The following ITM2B variants were observed in gnomAD, a reference collection of about 807,000 sequenced individuals.
ITM2B encodes integral membrane protein 2B.
Under a neutral mutation model 27.8 loss-of-function variants are expected in ITM2B, and 11 were observed. The observed-to-expected ratio is 0.40, with a 90% CI of 0.25 to 0.66. The LOEUF (loss-of-function observed/expected upper bound fraction) is 0.66, where lower values mean the gene tolerates loss of function less well. Ranked by LOEUF, ITM2B falls within the 30% of genes least tolerant of loss-of-function variation. The pLI is 0.43. For synonymous variants in ITM2B, 114 were observed against 114.3 expected (o/e 1.00, Z 0.02); for missense variants, 296 against 328.9 (o/e 0.90, Z 0.77).
At position 48,263,955 on chromosome 13, in the gene ITM2B, G is replaced by A. The variant is rs2138000093; in HGVS notation, c.*2731G>A. On this transcript the variant is annotated 3_prime_UTR_variant, in exon 6 of 6. Transcript: ENST00000647800. ...ATAATGCACCCCATCATATGTGTGT[G>A]TGTGTGTATTTATTTATTTATCTAA... is the stretch of plus-strand genomic sequence containing the variant. 6.6e-6 allele frequency: 1 copy of A among 152,156 alleles called. No homozygotes were observed. Among genetic ancestry groups the A allele is most frequent in the African/African-American group, 2.4e-5 (1 of 41,512 alleles). 9.4% of individuals were successfully genotyped at this position (152,156 alleles called of 1,614,324 possible).
At chr13:48,248,256 T>C (rs1420318269) in intron 1 of ITM2B, among the ~76,000 whole-genome samples, 2 of 152,108 alleles carry the variant, frequency 1.3e-5, no homozygotes, top group African/African-American at 4.8e-5. Flanking sequence ...CAATTATGTT[T>C]CTTAGGCTTA....
At chr13:48,245,496 TAA>T (rs1951719510) in intron 1 of ITM2B, among the ~76,000 whole-genome samples, 1 of 152,008 alleles carries the variant, frequency 6.6e-6, no homozygotes, top group Non-Finnish European at 1.5e-5. Context: ...CAAAAGTGAT[TAA>T]GTTATGATCC....
rs575772187 is a variant in ITM2B at position 48,265,335 on chromosome 13, A to T, written c.*4111A>T. 5.3e-4 allele frequency: 81 copies of T among 152,184 alleles called. No homozygotes were observed. The highest frequency in any genetic ancestry group is 2.0e-3 in the African/African-American group (81 of 41,502). 9.4% of individuals were successfully genotyped at this position (152,184 alleles called of 1,614,324 possible). A position where few individuals can be genotyped will look rare whatever the true frequency, so the allele number is the denominator to read the frequency against. On this transcript the variant is annotated 3_prime_UTR_variant, in exon 6 of 6. Transcript: ENST00000647800. ...CAGATGCAAACGCCTTCTTCTTTCC[A>T]AACAGTGTGGTCTTATCCCCGTCGC...
rs570986683 is a variant in ITM2B, at chr13:48,234,838, C to A, written c.117+1361C>A. ...CGTATTGGTATTGTTTTCCTGAAGC[C>A]ATTGCAAACAATCTTGGTCTTTAAA... On this transcript the variant is annotated intron_variant, in intron 1 of 5. Coordinates refer to ENST00000647800, the MANE Select transcript of ITM2B (RefSeq NM_021999.5). Among the ~76,000 whole-genome samples the A allele has an allele frequency of 3.9e-5, 6 of 152,252 alleles. No individual in the cohort carries two copies. The South Asian group carries it at 1.2e-3, about 32-fold the overall frequency.
intron 1 of ITM2B, among the ~76,000 whole-genome samples, chr13:48,240,748 C>T (rs1951695447): frequency 6.6e-6 from 1 of 152,116 alleles, no homozygotes; most frequent in Non-Finnish European, 1.5e-5. Flanking sequence ...TAGTCCTGCC[C>T]TATGTCAGAG....
chr13:48,261,334 C>A lies in ITM2B; in HGVS notation c.*110C>A. 1 of 781,780 alleles carries A rather than the reference C, an allele frequency of 1.3e-6. No homozygotes were observed. Among genetic ancestry groups the A allele is most frequent in the Non-Finnish European group, 2.2e-6 (1 of 450,558 alleles). 48.4% of individuals were successfully genotyped at this position (781,780 alleles called of 1,614,324 possible). The stretch of plus-strand genomic sequence containing the variant: ...AGTCTTCTTTCATGTAAGTAGCAAA[C>A]AGGGCTTTACTATCTTTTCATCTCA... On this transcript the variant is annotated 3_prime_UTR_variant, in exon 6 of 6. Transcript: ENST00000647800.
In ITM2B at chr13:48,258,397, T is replaced by A. The variant is rs367719811; in HGVS notation, c.564+161T>A. On this transcript the variant is annotated intron_variant, in intron 4 of 5. Transcript: ENST00000647800. ...TGGTTTTTGTTTTTAATGTTTTATA[T>A]CTTGAAATTGAAATAAATTTCTCAA... Among the ~76,000 whole-genome samples the A allele has an allele frequency of 1.1e-4, 16 of 152,336 alleles. No homozygotes were observed. The East Asian group carries it at 1.3e-3, about 13-fold the overall frequency.
intron 1 of ITM2B, among the ~76,000 whole-genome samples, chr13:48,241,293 C>A (rs1369480403): frequency 6.6e-6 from 1 of 152,188 alleles, no homozygotes; most frequent in African/African-American, 2.4e-5. Context: ...CTCACTGCAA[C>A]TTCCGCCTCC....
At chr13:48,239,625 C>G (rs1030558997) in intron 1 of ITM2B, among the ~76,000 whole-genome samples, 3 of 152,176 alleles carry the variant, frequency 2.0e-5, no homozygotes, top group South Asian at 2.1e-4. Flanking sequence ...CAGCAAGACT[C>G]TGTCTCAAAA....
rs192069830 is a variant in ITM2B at position 48,244,341 on chromosome 13, G to C, written c.118-9467G>C. Among the ~76,000 whole-genome samples the C allele has an allele frequency of 2.8e-4, 42 of 152,338 alleles. 2 individuals are homozygous for C. The highest frequency in any genetic ancestry group is 9.9e-4 in the African/African-American group (41 of 41,562). ...ACCGCTGGATCCAAGAGCCAGGAGA[G>C]TGGTGGAGTAAGGGAGCAACATTCA... On this transcript the variant is annotated intron_variant, in intron 1 of 5. Coordinates refer to ENST00000647800, the MANE Select transcript of ITM2B (RefSeq NM_021999.5).
In ITM2B at chr13:48,233,273, C is replaced by T; in HGVS notation, c.-88C>T. The T allele has an allele frequency of 1.3e-6, 1 of 798,694 alleles. No homozygotes were observed. Among genetic ancestry groups the T allele is most frequent in the Non-Finnish European group, 1.9e-6 (1 of 519,650 alleles). The allele number at this position is 798,694 out of a possible 1,614,324, so 49.5% of individuals were successfully genotyped here. On this transcript the variant is annotated 5_prime_UTR_variant, in exon 1 of 6. Coordinates refer to ENST00000647800, the MANE Select transcript of ITM2B (RefSeq NM_021999.5). ...GCCGCCCGGAGCCGCTCCCGGAGCCCGGCCGTAGAGGCTGCAATCGCAGCC... is the reference window on the plus strand; with the variant it reads ...GCCGCCCGGAGCCGCTCCCGGAGCCTGGCCGTAGAGGCTGCAATCGCAGCC...
chr13:48,257,997 G>A (rs758836022), intron 3 of ITM2B, 129 bp from the exon 4 acceptor site: 8 of 626,084 alleles, frequency 1.3e-5, no homozygotes, highest in Non-Finnish European at 2.1e-5. Context: ...TTCTGAATTT[G>A]TTGAAATGCA....
rs149715932 is a variant in ITM2B at position 48,252,548 on chromosome 13, C to G, written c.118-1260C>G. On this transcript the variant is annotated intron_variant, in intron 1 of 5. Coordinates refer to ENST00000647800, the MANE Select transcript of ITM2B (RefSeq NM_021999.5). ...GAGGTGGAACGGTTTCACCCCGAAA[C>G]CATATCCCAACACCCCTCAGTCTGT... Among the ~76,000 whole-genome samples, 77 of 152,330 alleles carry G rather than the reference C, an allele frequency of 5.1e-4. 1 individual carries two copies. The East Asian group carries it at 0.012, about 24-fold the overall frequency.
At position 48,269,945 on chromosome 13, in the gene ITM2B, TGA is replaced by T. The variant is rs1951874831; in HGVS notation, c.*8727_*8728del. Reference sequence around the variant, plus strand: ...GCCAATAAACAATGCAAAGAATAAATGAGAGAGTAATTGGAGACAAGCTTTCC... The same window carrying T: ...GCCAATAAACAATGCAAAGAATAAATGAGAGTAATTGGAGACAAGCTTTCC... On this transcript the variant is annotated 3_prime_UTR_variant, in exon 6 of 6. Coordinates refer to ENST00000647800, the MANE Select transcript of ITM2B (RefSeq NM_021999.5). 6.6e-6 allele frequency: 1 copy of T among 152,170 alleles called. No homozygotes were observed. Among genetic ancestry groups the T allele is most frequent in the African/African-American group, 2.4e-5 (1 of 41,436 alleles). 9.4% of individuals were successfully genotyped at this position (152,170 alleles called of 1,614,324 possible).
At chr13:48,255,964 G>A (rs1951784833) in intron 2 of ITM2B, among the ~76,000 whole-genome samples, 1 of 152,064 alleles carries the variant, frequency 6.6e-6, no homozygotes, top group African/African-American at 2.4e-5. Flanking sequence ...GGGAAAACCA[G>A]CTGCCTTTCT....
rs1951867600 is a variant in ITM2B, at chr13:48,268,704, A to G, written c.*7480A>G. The G allele has an allele frequency of 6.6e-6, 1 of 152,202 alleles. No homozygotes were observed. The highest frequency in any genetic ancestry group is 1.5e-5 in the Non-Finnish European group (1 of 68,028). 9.4% of individuals were successfully genotyped at this position (152,202 alleles called of 1,614,324 possible). On this transcript the variant is annotated 3_prime_UTR_variant, in exon 6 of 6. Coordinates refer to ENST00000647800, the MANE Select transcript of ITM2B (RefSeq NM_021999.5). ...GTTGGGAAGTATGAATAAAGTTGCTATGAACATGCATGTACAAGTCTTTGT... is the reference window on the plus strand; with the variant it reads ...GTTGGGAAGTATGAATAAAGTTGCTGTGAACATGCATGTACAAGTCTTTGT...
intron 1 of ITM2B, among the ~76,000 whole-genome samples, chr13:48,238,390 G>T (rs574000557): frequency 6.6e-6 from 1 of 152,108 alleles, no homozygotes; most frequent in Non-Finnish European, 1.5e-5. Context: ...TTCTATAATT[G>T]TACTTGGGGA....
rs1400334911 is a variant in ITM2B at position 48,261,164 on chromosome 13, T to C, written c.741T>C (p.Asn247=). 3.1e-6 allele frequency: 5 copies of C among 1,612,326 alleles called. No individual in the cohort carries two copies. The highest frequency in any genetic ancestry group is 2.7e-5 in the African/African-American group (2 of 74,880). Residue 247 remains asparagine, a synonymous_variant, in exon 6 of 6, where the codon AAT becomes AAC. Coordinates refer to ENST00000647800, the MANE Select transcript of ITM2B (RefSeq NM_021999.5). ...GTATTCAGAAACGTGAAGCCAGCAA[T>C]TGTTTCGCAATTCGGCATTTTGAAA... is the stretch of plus-strand genomic sequence containing the variant. ...IKGIQKREAS[N]CFAIRHFENK... is the part of the protein sequence containing the mutation.
chr13:48,233,459 C>T lies in ITM2B; in HGVS notation c.99C>T (p.Ala33=), dbSNP rs1450575912. 4.6e-6 allele frequency: 7 copies of T among 1,533,872 alleles called. No individual in the cohort carries two copies. Among genetic ancestry groups the T allele is most frequent in the Non-Finnish European group, 6.1e-6 (7 of 1,141,482 alleles). ...GEEALIIPPD[A]VAVDCKDPDD... is the part of the protein sequence containing the mutation. ...AGGCGCTCATCATCCCCCCCGACGC[C>T]GTCGCGGTGGACTGCAAGGTCCGAG... is the stretch of plus-strand genomic sequence containing the variant. The change falls in exon 1 of 6, where the codon GCC becomes GCT. Residue 33 remains alanine, a synonymous_variant. Coordinates refer to ENST00000647800, the MANE Select transcript of ITM2B (RefSeq NM_021999.5).
Sources: allele counts gnomAD v4.1 joint callset (sites outside exome capture counted in the v4.1 genomes callset), GRCh38; gene constraint gnomAD v4.1.1; transcripts MANE v1.5; gene names NCBI Gene and HGNC (gene_info 2026-07-23, HGNC 2026-07-21).